NRG2: variants seen among roughly 807,000 people sequenced by gnomAD.
The protein encoded by NRG2 is neuregulin 2, also known as pro-neuregulin-2, membrane-bound isoform.
A neutral mutation model predicts 73.9 loss-of-function variants in NRG2; 27 were observed. The ratio of observed to expected loss-of-function variants is 0.37; its 90% CI spans 0.27 to 0.50. The LOEUF (loss-of-function observed/expected upper bound fraction) is 0.50. Ranked by LOEUF, NRG2 falls within the 20% of genes least tolerant of loss-of-function variation. The probability of loss-of-function intolerance (pLI) is 0.96; values close to 1 mark genes in which losing one functional copy is unlikely to be tolerated. For missense variants in NRG2, 1,126 were observed against 1,210.1 expected (o/e 0.93, Z 1.03); for synonymous variants, 532 against 541.0 (o/e 0.98, Z 0.23).
intron 2 of NRG2, among the ~76,000 whole-genome samples, chr5:139,886,172 G>T (rs1763857912): frequency 6.6e-6 from 1 of 152,172 alleles, no homozygotes; most frequent in Non-Finnish European, 1.5e-5. Context: ...TCTGTTTTCT[G>T]CCAGGATCAT....
At chr5:140,040,754 A>C (rs935555182) in intron 1 of NRG2, among the ~76,000 whole-genome samples, 2 of 152,218 alleles carry the variant, frequency 1.3e-5, no homozygotes, top group Admixed American at 6.5e-5. Context: ...AGAGTATTTT[A>C]ATACTCCCCA....
chr5:139,852,666 G>GA lies in NRG2; in HGVS notation c.1417-108dup, dbSNP rs1328465978. The stretch of plus-strand genomic sequence containing the variant: ...CACTGACTGAGCTCCTGGTTGGGGA[G>GA]ACCCACTGTGTGAGAGTGACTTGAT... On this transcript the variant is annotated intron_variant, in intron 7 of 9. Transcript: ENST00000361474. This position sits in a 1 kb window ranked among gnomAD's most constrained non-coding sequence, Gnocchi z 4.4. The GA allele has an allele frequency of 4.0e-6, 6 of 1,510,066 alleles. No homozygotes were observed. The highest frequency in any genetic ancestry group is 4.5e-6 in the Non-Finnish European group (5 of 1,112,002). The allele number at this position is 1,510,066 out of a possible 1,614,324, so 93.5% of individuals were successfully genotyped here.
intron 1 of NRG2, among the ~76,000 whole-genome samples, chr5:140,027,421 G>A (rs919385872): frequency 6.6e-6 from 1 of 152,172 alleles, no homozygotes; most frequent in Non-Finnish European, 1.5e-5. Context: ...AAGAAGATTC[G>A]TGGGCGTGGC....
intron 1 of NRG2, among the ~76,000 whole-genome samples, chr5:139,950,590 T>C (rs1324451516): frequency 6.6e-6 from 1 of 152,224 alleles, no homozygotes; most frequent in African/African-American, 2.4e-5. Context: ...AAGCTGACCA[T>C]GCCTCCTGCA....
chr5:139,867,761 C>A (rs1561638364), intron 4 of NRG2, among the ~76,000 whole-genome samples: 1 of 65,098 alleles, frequency 1.5e-5, no homozygotes, highest in Non-Finnish European at 3.7e-5. Flanking sequence ...GGAAGGGAAA[C>A]CTGTGTGTGT....
In NRG2 at chr5:139,894,243, G is replaced by A. The variant is rs964323611; in HGVS notation, c.701-6732C>T. ...GGGCAGGGGCAGCAGGCTCTTAAAAGGGTTAATGATCCTCACCTCATGACT... is the reference window on the plus strand; with the variant it reads ...GGGCAGGGGCAGCAGGCTCTTAAAAAGGTTAATGATCCTCACCTCATGACT... On this transcript the variant is annotated intron_variant, in intron 1 of 9. Transcript: ENST00000361474. This position sits in a 1 kb window ranked among gnomAD's most constrained non-coding sequence, Gnocchi z 5.0. Among the ~76,000 whole-genome samples the A allele has an allele frequency of 3.9e-5, 6 of 152,134 alleles. No individual in the cohort carries two copies. Among genetic ancestry groups the A allele is most frequent in the African/African-American group, 1.4e-4 (6 of 41,426 alleles).
chr5:139,952,033 G>A (rs554299289), intron 1 of NRG2, among the ~76,000 whole-genome samples: 2 of 152,356 alleles, frequency 1.3e-5, no homozygotes, highest in South Asian at 2.1e-4. Context: ...CTAGCCATGT[G>A]ACCATGGGCA....
At chr5:140,014,656 A>G (rs2126652090) in intron 1 of NRG2, among the ~76,000 whole-genome samples, 3 of 152,200 alleles carry the variant, frequency 2.0e-5, no homozygotes, top group Non-Finnish European at 4.4e-5. Flanking sequence ...CCCCTCTTTC[A>G]CAACTACAAT....
At chr5:139,890,850 G>A (rs1764171139) in intron 1 of NRG2, among the ~76,000 whole-genome samples, 1 of 152,144 alleles carries the variant, frequency 6.6e-6, no homozygotes, top group East Asian at 1.9e-4. Context: ...AGTGTATATA[G>A]CTCAATGACT....
chr5:139,854,102 C>T (rs890843619), intron 6 of NRG2, among the ~76,000 whole-genome samples: 2 of 152,128 alleles, frequency 1.3e-5, no homozygotes, highest in Non-Finnish European at 2.9e-5. Context: ...GAAAATAAAA[C>T]CCCTTTATTG....
chr5:139,893,805 G>A (rs191430065), intron 1 of NRG2, among the ~76,000 whole-genome samples: 61 of 152,334 alleles, frequency 4.0e-4, no homozygotes, highest in African/African-American at 1.5e-3. Context: ...GCTCTCTCAA[G>A]GATGGCCCAG....
intron 5 of NRG2, chr5:139,860,028 G>A (rs920607868): frequency 2.9e-5 from 30 of 1,044,742 alleles, no homozygotes; most frequent in East Asian, 2.0e-4. Flanking sequence ...CTCAGACACC[G>A]GGCAGCCATC....
intron 1 of NRG2, among the ~76,000 whole-genome samples, chr5:139,997,298 G>A (rs1580906326): frequency 4.6e-5 from 7 of 152,234 alleles, no homozygotes; most frequent in Admixed American, 4.6e-4. Context: ...CCCACCCAGA[G>A]GCACTACTAA....
At chr5:139,980,306 G>A (rs1756696198) in intron 1 of NRG2, among the ~76,000 whole-genome samples, 1 of 151,716 alleles carries the variant, frequency 6.6e-6, no homozygotes, top group African/African-American at 2.4e-5. Context: ...CCAGCTCTTT[G>A]GGAGATTTGT....
intron 1 of NRG2, among the ~76,000 whole-genome samples, chr5:139,936,218 G>GA (rs1481837889): frequency 1.3e-5 from 2 of 151,634 alleles, no homozygotes; most frequent in Non-Finnish European, 2.9e-5. Context: ...AAAAATAATA[G>GA]AAAAAATCAA....
Position 140,042,698 on chromosome 5 carries a change from C to T in NRG2, c.372G>A (p.Ala124=), listed in dbSNP as rs1762030810. Residue 124 remains alanine, a synonymous_variant, in exon 1 of 10, where the codon GCG becomes GCA. Transcript: ENST00000361474. ...SPSLKSVQDQ[A]YKAPVVVEGK... is the part of the protein sequence containing the mutation. Reference sequence around the variant, plus strand: ...CCTCCACCACCACGGGTGCCTTGTACGCCTGGTCCTGCACTGACTTGAGGC... The same window carrying T: ...CCTCCACCACCACGGGTGCCTTGTATGCCTGGTCCTGCACTGACTTGAGGC... The T allele has an allele frequency of 6.3e-7, 1 of 1,580,462 alleles. No individual in the cohort carries two copies. The highest frequency in any genetic ancestry group is 1.7e-4 in the Middle Eastern group (1 of 6,026).
intron 1 of NRG2, among the ~76,000 whole-genome samples, chr5:139,995,447 G>A (rs573100705): frequency 2.6e-5 from 4 of 152,234 alleles, no homozygotes; most frequent in East Asian, 1.9e-4. Flanking sequence ...AGACGCAGAC[G>A]GGCAGTTCAG....
chr5:139,977,466 G>A (rs1756460406), intron 1 of NRG2, among the ~76,000 whole-genome samples: 1 of 152,152 alleles, frequency 6.6e-6, no homozygotes, highest in African/African-American at 2.4e-5. Context: ...GGGATTGGCA[G>A]GCGTCAAGGT....
At chr5:140,023,561 G>T (rs1386165147) in intron 1 of NRG2, among the ~76,000 whole-genome samples, 1 of 152,052 alleles carries the variant, frequency 6.6e-6, no homozygotes, top group Admixed American at 6.6e-5. Context: ...TCCCCAAATG[G>T]ACTGTAAACC....
Sources: allele counts gnomAD v4.1 joint callset (sites outside exome capture counted in the v4.1 genomes callset), GRCh38; gene constraint gnomAD v4.1.1; non-coding constraint Gnocchi (gnomAD v3.1); transcripts MANE v1.5; gene names NCBI Gene and HGNC (gene_info 2026-07-23, HGNC 2026-07-21).